OR52H1: variants seen among roughly 807,000 people sequenced by gnomAD.
OR52H1 encodes the protein olfactory receptor 52H1.
For missense variants in OR52H1, 383 were observed against 396.4 expected (o/e 0.97, Z 0.29); for synonymous variants, 148 against 138.6 (o/e 1.07, Z -0.48).
At chr11:5,547,252 G>A (rs1019732845) in intron 1 of OR52H1, among the ~76,000 whole-genome samples, 2 of 152,112 alleles carry the variant, frequency 1.3e-5, no homozygotes, top group African/African-American at 2.4e-5. Flanking sequence ...CACCACGCTC[G>A]GCCTGCAGTG....
In OR52H1 at chr11:5,547,653, A is replaced by ATTTT. The variant is rs10675854; in HGVS notation, c.-31+795_-31+798dup. ...CAAAATGATACACATTGAAAAAAGA[A>ATTTT]TTTTTTTTTTGAGACAGAGTCTTGC... On this transcript the variant is annotated intron_variant, in intron 1 of 1. Coordinates refer to ENST00000322653, the MANE Select transcript of OR52H1 (RefSeq NM_001005289.5). Among the ~76,000 whole-genome samples the ATTTT allele has an allele frequency of 3.3e-3, 503 of 150,828 alleles. 3 individuals are homozygous for ATTTT. Among genetic ancestry groups the ATTTT allele is most frequent in the Middle Eastern group, 0.014 (4 of 294 alleles).
chr11:5,544,725 T>G lies in OR52H1; in HGVS notation c.781A>C (p.Ile261Leu). 6.2e-7 allele frequency: 1 copy of G among 1,614,004 alleles called. No homozygotes were observed. Among genetic ancestry groups the G allele is most frequent in the East Asian group, 2.2e-5 (1 of 44,876 alleles). ...TTGTGTCCAAAGCGATGGGCGAGGA[T>G]GGAGAAAAAGGCAGGTGTATAAAAC... The part of the protein sequence containing the change: ...LMFYTPAFFS[I>L]LAHRFGHNVS... Residue 261 changes from isoleucine (I) to leucine (L), a missense_variant, in exon 2 of 2, where the codon ATC becomes CTC. Transcript: ENST00000322653.
chr11:5,545,474 G>C lies in OR52H1; in HGVS notation c.32C>G (p.Pro11Arg), dbSNP rs1390141272. The C allele has an allele frequency of 5.6e-6, 9 of 1,613,974 alleles. No homozygotes were observed. Among genetic ancestry groups the C allele is most frequent in the Non-Finnish European group, 7.6e-6 (9 of 1,179,996 alleles). Residue 11 changes from proline to arginine, a missense_variant, in exon 2 of 2, where the codon CCA (proline) becomes CGA (arginine). By Grantham distance (103) the Pro-to-Arg change is moderately radical (BLOSUM62 -2). Coordinates refer to ENST00000322653, the MANE Select transcript of OR52H1 (RefSeq NM_001005289.5). ...GATCCCTACCAGAATGAAGGGTCCT[G>C]GATTGTAACTGCTCAGGTTGAAAAT... MIIFNLSSYN[P>R]GPFILVGIPG...
chr11:5,547,467 T>G (rs1009592005), intron 1 of OR52H1, among the ~76,000 whole-genome samples: 53 of 152,326 alleles, frequency 3.5e-4, no homozygotes, highest in African/African-American at 1.0e-3. Context: ...GCACAGAGCA[T>G]GTACTCTGGA....
At position 5,544,980 on chromosome 11, in the gene OR52H1, T is replaced by C. The variant is rs116789362; in HGVS notation, c.526A>G (p.Ile176Val). 43 of 1,614,174 alleles carry C rather than the reference T, an allele frequency of 2.7e-5. No homozygotes were observed. In the Middle Eastern group the frequency reaches 6.6e-4, roughly 25 times the overall value. ...ATATGCTCACAGTATGTGTGGGGTA[T>C]GATGCGTGTCCTGCAGAAAGGCAGG... ...TCLPFCRTRI[I>V]PHTYCEHIGV... The change falls in exon 2 of 2, where the codon ATA becomes GTA. Residue 176 changes from isoleucine to valine, a missense_variant. By Grantham distance (29) the Ile-to-Val change is conservative. Transcript: ENST00000322653.
chr11:5,545,318 A>T lies in OR52H1; in HGVS notation c.188T>A (p.Phe63Tyr), dbSNP rs1488609739. ...AGTCATGGCCAGCATGGAGAGAAAGAAGAACATGGGTTCATGAAGACTATG... is the reference window on the plus strand; with the variant it reads ...AGTCATGGCCAGCATGGAGAGAAAGTAGAACATGGGTTCATGAAGACTATG... ...VEHSLHEPMF[F>Y]FLSMLAMTDL... Residue 63 changes from phenylalanine (F) to tyrosine (Y), a missense_variant, in exon 2 of 2, where the codon TTC (phenylalanine) becomes TAC (tyrosine). Physicochemically the swap from Phe to Tyr is conservative, Grantham distance 22 (BLOSUM62 3). Transcript: ENST00000322653. The T allele has an allele frequency of 9.3e-6, 15 of 1,614,092 alleles. No homozygotes were observed. The highest frequency in any genetic ancestry group is 1.3e-5 in the Non-Finnish European group (15 of 1,180,044).
chr11:5,545,481 A>G lies in OR52H1; in HGVS notation c.25T>C (p.Tyr9His), dbSNP rs759351534. 3.1e-6 allele frequency: 5 copies of G among 1,614,014 alleles called. No individual in the cohort carries two copies. The Admixed American group carries it at 8.3e-5, about 27-fold the overall frequency. ...ACCAGAATGAAGGGTCCTGGATTGT[A>G]ACTGCTCAGGTTGAAAATGATCATG... MIIFNLSS[Y>H]NPGPFILVGI... The change falls in exon 2 of 2, where the codon TAC (tyrosine) becomes CAC (histidine). Residue 9 changes from tyrosine to histidine, a missense_variant. Physicochemically the swap from Tyr to His is moderately conservative, Grantham distance 83 (BLOSUM62 2). Coordinates refer to ENST00000322653, the MANE Select transcript of OR52H1 (RefSeq NM_001005289.5).
chr11:5,544,814 G>A lies in OR52H1; in HGVS notation c.692C>T (p.Pro231Leu), dbSNP rs767784188. 6.2e-7 allele frequency: 1 copy of A among 1,614,134 alleles called. No homozygotes were observed. Among genetic ancestry groups the A allele is most frequent in the Non-Finnish European group, 8.5e-7 (1 of 1,180,014 alleles). The change falls in exon 2 of 2, where the codon CCC (proline) becomes CTC (leucine). Residue 231 changes from proline to leucine, a missense_variant. Physicochemically the swap from Pro to Leu is moderately conservative, Grantham distance 98 (BLOSUM62 -3). Transcript: ENST00000322653. ...AHILCAVFGL[P>L]SQDACQKALG... is the part of the protein sequence containing the mutation. ...GGCTTTCTGGCAGGCATCTTGGGAG[G>A]GAAGGCCAAAGACAGCACAGAGGAT...
Position 5,544,580 on chromosome 11 carries a change from A to AAC in OR52H1, c.924_925dup (p.Phe309CysfsTer?). On this transcript the variant is annotated frameshift_variant, in exon 2 of 2. Transcript: ENST00000322653. LOFTEE classifies it high-confidence loss of function. ...AAAACATCATCCTGTACCCTTAGAA[A>AAC]ACAAAAGTATAACCTTATCTCTGAT... is the stretch of plus-strand genomic sequence containing the variant. 6.3e-7 allele frequency: 1 copy of AAC among 1,596,876 alleles called. No homozygotes were observed. The highest frequency in any genetic ancestry group is 8.5e-7 in the Non-Finnish European group (1 of 1,171,742).
At chr11:5,545,661 G>C in intron 1 of OR52H1, 126 bp from the exon 2 acceptor site, 10 of 879,770 alleles carry the variant, frequency 1.1e-5, no homozygotes, top group Non-Finnish European at 1.7e-5. Context: ...GAACCTGTCT[G>C]AAATGAACAA....
intron 1 of OR52H1, among the ~76,000 whole-genome samples, chr11:5,545,755 A>G (rs1340353109): frequency 1.3e-5 from 2 of 152,208 alleles, no homozygotes; most frequent in Non-Finnish European, 2.9e-5. Flanking sequence ...AAACTACCTG[A>G]AGAGAATCTT....
rs191618888 is a variant in OR52H1, at chr11:5,547,535, G to A, written c.-31+917C>T. 3.8e-3 allele frequency among the ~76,000 whole-genome samples: 537 copies of A among 142,698 alleles called. 3 individuals are homozygous for A. Among genetic ancestry groups the A allele is most frequent in the African/African-American group, 0.014 (519 of 36,616 alleles). 93.6% of individuals were successfully genotyped at this position (142,698 alleles called of 152,430 possible). On this transcript the variant is annotated intron_variant, in intron 1 of 1. Transcript: ENST00000322653. ...TGGTTCCACAATTTACTAGCTATGTGAATCTGGGCAAGCTATTTAAACTAC... is the reference window on the plus strand; with the variant it reads ...TGGTTCCACAATTTACTAGCTATGTAAATCTGGGCAAGCTATTTAAACTAC...
rs764088574 is a variant in OR52H1 at position 5,547,145 on chromosome 11, G to A, written c.-31+1307C>T. ...TAATTTTTGTATTTTCAGTAGAGACGGGCTTTCACCATGTTGGCCAGGCTG... is the reference window on the plus strand; with the variant it reads ...TAATTTTTGTATTTTCAGTAGAGACAGGCTTTCACCATGTTGGCCAGGCTG... On this transcript the variant is annotated intron_variant, in intron 1 of 1. Coordinates refer to ENST00000322653, the MANE Select transcript of OR52H1 (RefSeq NM_001005289.5). 3.9e-5 allele frequency among the ~76,000 whole-genome samples: 6 copies of A among 151,932 alleles called. No homozygotes were observed. In the East Asian group the frequency reaches 7.7e-4, roughly 20 times the overall value.
chr11:5,548,237 T>C (rs1846879870), intron 1 of OR52H1, among the ~76,000 whole-genome samples: 1 of 150,224 alleles, frequency 6.7e-6, no homozygotes, highest in Non-Finnish European at 1.5e-5. Context: ...AACGCAGCTG[T>C]GTAATTGTCC....
At position 5,544,621 on chromosome 11, in the gene OR52H1, T is replaced by C. The variant is rs1418636496; in HGVS notation, c.885A>G (p.Gly295=). Residue 295 remains glycine (G), a synonymous_variant, in exon 2 of 2, where the codon GGA becomes GGG. Transcript: ENST00000322653. ...TATCTCTGATCTGCTTGGTCTTCAC[T>C]CCGTAAACCATGGGGTTGAGTGCAG... ...IPPALNPMVY[G]VKTKQIRDKV... is the part of the protein sequence containing the mutation. The C allele has an allele frequency of 1.2e-6, 2 of 1,613,874 alleles. No homozygotes were observed.
At position 5,545,390 on chromosome 11, in the gene OR52H1, A is replaced by G. The variant is rs56291963; in HGVS notation, c.116T>C (p.Val39Ala). ...AAGGATGCAGTTTCCCACAACAGCTACAATGTAGATGATACAGAAGGGAAT... is the reference window on the plus strand; with the variant it reads ...AAGGATGCAGTTTCCCACAACAGCTGCAATGTAGATGATACAGAAGGGAAT... Reference protein sequence around the residue: ...IGIPFCIIYIVAVVGNCILLY... With the variant: ...IGIPFCIIYIAAVVGNCILLY... Residue 39 changes from valine to alanine, a missense_variant, in exon 2 of 2, where the codon GTA becomes GCA. Coordinates refer to ENST00000322653, the MANE Select transcript of OR52H1 (RefSeq NM_001005289.5). The G allele has an allele frequency of 1.7e-3, 2,709 of 1,614,180 alleles. 38 individuals are homozygous for G. In the African/African-American group the frequency reaches 0.031, roughly 18 times the overall value.
intron 1 of OR52H1, among the ~76,000 whole-genome samples, chr11:5,545,833 T>A (rs1314046715): frequency 1.3e-5 from 2 of 152,312 alleles, no homozygotes; most frequent in African/African-American, 4.8e-5. Flanking sequence ...CTGGTTACAC[T>A]CTTCCTTATA....
chr11:5,545,003 A>G lies in OR52H1; in HGVS notation c.503T>C (p.Leu168Pro), dbSNP rs767068661. 1 of 1,614,180 alleles carries G rather than the reference A, an allele frequency of 6.2e-7. No homozygotes were observed. ...TATGATGCGTGTCCTGCAGAAAGGCAGGCATGTCAGCAAGAATACATCTGG... is the reference window on the plus strand; with the variant it reads ...TATGATGCGTGTCCTGCAGAAAGGCGGGCATGTCAGCAAGAATACATCTGG... Reference protein sequence around the residue: ...ILPDVFLLTCLPFCRTRIIPH... With the variant: ...ILPDVFLLTCPPFCRTRIIPH... Residue 168 changes from leucine to proline, a missense_variant, in exon 2 of 2, where the codon CTG becomes CCG. Physicochemically the swap from Leu to Pro is moderately conservative, Grantham distance 98. Transcript: ENST00000322653.
intron 1 of OR52H1, among the ~76,000 whole-genome samples, chr11:5,546,189 A>AAAAG (rs1343631519): frequency 6.6e-6 from 1 of 151,878 alleles, no homozygotes; most frequent in African/African-American, 2.4e-5. Flanking sequence ...CTCAAAAAAA[A>AAAAG]AAAAAAATTC....
Sources: allele counts gnomAD v4.1 joint callset (sites outside exome capture counted in the v4.1 genomes callset), GRCh38; gene constraint gnomAD v4.1.1; transcripts MANE v1.5; gene names NCBI Gene and HGNC (gene_info 2026-07-23, HGNC 2026-07-21).